Variants in STARD3 observed in about 807,000 individuals in gnomAD.
The protein encoded by STARD3 is stAR-related lipid transfer protein 3.
Under a neutral mutation model 62.0 loss-of-function variants are expected in STARD3, and 39 were observed. That is an observed-to-expected ratio of 0.63 (90% CI 0.49 to 0.82). The LOEUF (loss-of-function observed/expected upper bound fraction) is 0.82. Among genes scored for constraint, STARD3 ranks in the 40% least tolerant of loss-of-function variants. STARD3 has a pLI of 0.00. For missense variants in STARD3, 543 were observed against 584.5 expected, an observed-to-expected ratio of 0.93 and a Z score of 0.73; for synonymous variants, 229 against 242.4, an observed-to-expected ratio of 0.94 and a Z score of 0.51.
At chr17:39,641,814 C>A (rs1212407297) in intron 1 of STARD3, among the ~76,000 whole-genome samples, 1 of 152,138 alleles carries the variant, frequency 6.6e-6, no homozygotes, top group Non-Finnish European at 1.5e-5. Flanking sequence ...GTGTCCAACC[C>A]CAAACCCACA....
chr17:39,644,672 C>CAA (rs3029516), intron 1 of STARD3, among the ~76,000 whole-genome samples: 7,629 of 112,372 alleles, frequency 0.068, 443 homozygotes, highest in African/African-American at 0.18. Context: ...CCTGTCTCTA[C>CAA]AAAAAAAAAA....
At position 39,653,557 on chromosome 17, in the gene STARD3, C is replaced by T. The variant is rs771424762; in HGVS notation, c.26C>T (p.Thr9Ile). The T allele has an allele frequency of 1.2e-5, 19 of 1,606,166 alleles. No homozygotes were observed. The highest frequency in any genetic ancestry group is 1.5e-5 in the Non-Finnish European group (18 of 1,179,940). Residue 9 changes from threonine (T) to isoleucine (I), a missense_variant, in exon 2 of 15, where the codon ACC (threonine) becomes ATC (isoleucine). Coordinates refer to ENST00000336308, the MANE Select transcript of STARD3 (RefSeq NM_006804.4). MSKLPREL[T>I]RDLERSLPAV... is the part of the protein sequence containing the mutation. The stretch of plus-strand genomic sequence containing the variant: ...ATGAGCAAGCTGCCCAGGGAGCTGA[C>T]CCGAGACTTGGAGCGCAGCCTGCCT...
chr17:39,650,322 C>T (rs958097320), intron 1 of STARD3, among the ~76,000 whole-genome samples: 4 of 152,080 alleles, frequency 2.6e-5, no homozygotes, highest in Non-Finnish European at 5.9e-5. Flanking sequence ...CTGAGTCACG[C>T]CAGATTGCTC....
Position 39,659,403 on chromosome 17 carries a change from G to A in STARD3, c.703-58G>A, listed in dbSNP as rs553918156. The stretch of plus-strand genomic sequence containing the variant: ...TATGTCTAGAGAGAGAACAGGCCAC[G>A]AACATGGTGGACTGCAGGCCCCAGG... On this transcript the variant is annotated intron_variant, in intron 8 of 14. Coordinates refer to ENST00000336308, the MANE Select transcript of STARD3 (RefSeq NM_006804.4). The A allele has an allele frequency of 7.8e-5, 119 of 1,533,120 alleles. 1 individual carries two copies. The highest frequency in any genetic ancestry group is 4.1e-5 in the Non-Finnish European group (45 of 1,108,570). 95.0% of individuals were successfully genotyped at this position (1,533,120 alleles called of 1,614,324 possible). A position where few individuals can be genotyped will look rare whatever the true frequency, so the allele number is the denominator to read the frequency against.
rs746798367 is a variant in STARD3 at position 39,657,826 on chromosome 17, C to T, written c.349C>T (p.Arg117Trp). 1 of 1,614,224 alleles carries T rather than the reference C, an allele frequency of 6.2e-7. No individual in the cohort carries two copies. Among genetic ancestry groups the T allele is most frequent in the Non-Finnish European group, 8.5e-7 (1 of 1,180,046 alleles). Residue 117 changes from arginine (R) to tryptophan (W), a missense_variant, in exon 4 of 15, where the codon CGG becomes TGG. Arg to Trp is a moderately radical substitution (Grantham distance 101). Transcript: ENST00000336308. ...SGLLLGYAVL[R>W]LRHWWVIAVT... ...ACTGCTCCTAGGCTATGCCGTGCTG[C>T]GGCTCCGGCACTGGTGGGTGATTGC...
chr17:39,643,077 C>T (rs902114135), intron 1 of STARD3, among the ~76,000 whole-genome samples: 1 of 152,108 alleles, frequency 6.6e-6, no homozygotes, highest in Non-Finnish European at 1.5e-5. Flanking sequence ...GTGTTGAGAA[C>T]AGGCTGAAGG....
rs1333205437 is a variant in STARD3 at position 39,657,020 on chromosome 17, A to G, written c.232A>G (p.Ile78Val). 6.2e-7 allele frequency: 1 copy of G among 1,614,162 alleles called. No homozygotes were observed. Among genetic ancestry groups the G allele is most frequent in the Non-Finnish European group, 8.5e-7 (1 of 1,180,022 alleles). The change falls in exon 3 of 15, where the codon ATC (isoleucine) becomes GTC (valine). Residue 78 changes from isoleucine (I) to valine (V), a missense_variant. By Grantham distance (29) the Ile-to-Val change is conservative. Transcript: ENST00000336308. ...CTCCCTCTCACAGACCAACACAGGC[A>G]TCCGTAAGAACTTGGAGCAGGAGAT... ...WIIELNTNTG[I>V]RKNLEQEIIQ...
chr17:39,657,682 G>A (rs2057144438), intron 3 of STARD3, 93 bp from the exon 4 acceptor site: 2 of 1,375,766 alleles, frequency 1.5e-6, no homozygotes, highest in Admixed American at 1.7e-5. Flanking sequence ...CCATAGGAAG[G>A]GAACGTGGGG....
chr17:39,658,769 T>C lies in STARD3; in HGVS notation c.595T>C (p.Ser199Pro), dbSNP rs761342749. ...TGTTGCCCGTGGACCCCTGCTGTTC[T>C]CCGGTGCTCTGTCCGAGGGACAGTT... ...VAVARGPLLF[S>P]GALSEGQFYS... is the part of the protein sequence containing the mutation. Residue 199 changes from serine (S) to proline (P), a missense_variant, in exon 7 of 15, where the codon TCC (serine) becomes CCC (proline). Physicochemically the swap from Ser to Pro is moderately conservative, Grantham distance 74. Transcript: ENST00000336308. 1 of 1,614,020 alleles carries C rather than the reference T, an allele frequency of 6.2e-7. No homozygotes were observed. Among genetic ancestry groups the C allele is most frequent in the Non-Finnish European group, 8.5e-7 (1 of 1,179,986 alleles).
intron 1 of STARD3, among the ~76,000 whole-genome samples, chr17:39,649,343 G>A (rs1195101440): frequency 1.3e-5 from 2 of 152,144 alleles, no homozygotes; most frequent in Non-Finnish European, 1.5e-5. Flanking sequence ...ATGCGCTCAA[G>A]GTTATTCACT....
intron 1 of STARD3, among the ~76,000 whole-genome samples, chr17:39,650,687 G>A (rs150670572): frequency 6.6e-6 from 1 of 152,268 alleles, no homozygotes; most frequent in Non-Finnish European, 1.5e-5. Context: ...GGTGGCGGGC[G>A]CCTGTGGTCT....
chr17:39,662,916 C>T lies in STARD3; in HGVS notation c.*8C>T, dbSNP rs1290637145. The T allele has an allele frequency of 1.9e-6, 3 of 1,606,226 alleles. No homozygotes were observed. The highest frequency in any genetic ancestry group is 2.3e-5 in the East Asian group (1 of 44,338). On this transcript the variant is annotated 3_prime_UTR_variant, in exon 15 of 15. Transcript: ENST00000336308. ...CTGGGGGCCCGGGCGTGACTGTGCCCCCTCCCACCCTGCGGGCCAGGGTCC... is the reference window on the plus strand; with the variant it reads ...CTGGGGGCCCGGGCGTGACTGTGCCTCCTCCCACCCTGCGGGCCAGGGTCC...
At chr17:39,639,440 G>A (rs1350058671) in intron 1 of STARD3, among the ~76,000 whole-genome samples, 1 of 152,204 alleles carries the variant, frequency 6.6e-6, no homozygotes, top group Non-Finnish European at 1.5e-5. Context: ...GACCAGGGGC[G>A]GCTTCTGAGG....
At chr17:39,657,416 A>G (rs569235172) in intron 3 of STARD3, among the ~76,000 whole-genome samples, 5 of 152,116 alleles carry the variant, frequency 3.3e-5, no homozygotes, top group African/African-American at 1.2e-4. Flanking sequence ...AATCCCAGCT[A>G]CTTGGGAGGC....
chr17:39,642,919 G>A (rs767681768), intron 1 of STARD3, among the ~76,000 whole-genome samples: 1 of 152,036 alleles, frequency 6.6e-6, no homozygotes, highest in Non-Finnish European at 1.5e-5. Context: ...AGTGTGGCTG[G>A]AGTAGAGGGC....
intron 13 of STARD3, among the ~76,000 whole-genome samples, chr17:39,661,560 G>A (rs1192791604): frequency 2.0e-5 from 3 of 152,286 alleles, no homozygotes; most frequent in South Asian, 2.1e-4. Context: ...TGGCCTTCCC[G>A]CATCTGTGCC....
Position 39,660,885 on chromosome 17 carries a change from C to G in STARD3, c.1030C>G (p.Pro344Ala). The change falls in exon 12 of 15, where the codon CCA becomes GCA. Residue 344 changes from proline (P) to alanine (A), a missense_variant. Transcript: ENST00000336308. This position sits in a 1 kb window ranked among gnomAD's most constrained non-coding sequence, Gnocchi z 4.8. ...SAGAAGGVVS[P>A]RDFVNVRRIE... ...AGGGGCTGCGGGCGGCGTGGTCTCCCCAAGGTGAGTCCATGCCGGGCCCCC... is the reference window on the plus strand; with the variant it reads ...AGGGGCTGCGGGCGGCGTGGTCTCCGCAAGGTGAGTCCATGCCGGGCCCCC... 6.2e-7 allele frequency: 1 copy of G among 1,604,472 alleles called. No homozygotes were observed.
intron 1 of STARD3, among the ~76,000 whole-genome samples, chr17:39,639,369 G>A (rs2056963174): frequency 6.6e-6 from 1 of 152,130 alleles, no homozygotes; most frequent in African/African-American, 2.4e-5. Flanking sequence ...GTGTGTGTGT[G>A]TTACATGGCA....
intron 3 of STARD3, 57 bp downstream of exon 3, chr17:39,657,142 G>T: frequency 6.5e-7 from 1 of 1,536,518 alleles, no homozygotes. Flanking sequence ...GCAGGGAAAT[G>T]ACTTCTGCTG....
Sources: gnomAD v4.1 joint callset for allele counts (sites outside exome capture counted in the v4.1 genomes callset) on GRCh38, gnomAD v4.1.1 for gene constraint, Gnocchi (gnomAD v3.1) non-coding constraint, MANE v1.5 for transcripts, NCBI Gene and HGNC (gene_info 2026-07-23, HGNC 2026-07-21) for gene names.